BIRC2: variants seen among roughly 807,000 people sequenced by gnomAD.
BIRC2 encodes baculoviral IAP repeat-containing protein 2.
In BIRC2, 18 loss-of-function variants were observed where a neutral mutation model predicts 60.9. The ratio of observed to expected loss-of-function variants is 0.30; its 90% CI spans 0.20 to 0.44. The LOEUF (loss-of-function observed/expected upper bound fraction) is 0.44, where lower values mean the gene tolerates loss of function less well. Among genes scored for constraint, BIRC2 ranks in the 20% least tolerant of loss-of-function variants. The probability of loss-of-function intolerance (pLI) is 1.00; values close to 1 mark genes in which losing one functional copy is unlikely to be tolerated. For synonymous variants in BIRC2, 282 were observed against 247.7 expected, an observed-to-expected ratio of 1.14 and a Z score of -1.30; for missense variants, 701 against 728.5, an observed-to-expected ratio of 0.96 and a Z score of 0.43.
rs926776446 is a variant in BIRC2 at position 102,368,695 on chromosome 11, C to T, written c.1366+147C>T. On this transcript the variant is annotated intron_variant, in intron 6 of 8. Coordinates refer to ENST00000227758, the MANE Select transcript of BIRC2 (RefSeq NM_001166.5). ...TTTCGAAACCATCCCTCCTTTTCTA[C>T]CCCTTTCAATTGCTTCTAGTTGAGA... 16 of 1,150,344 alleles carry T rather than the reference C, an allele frequency of 1.4e-5. No individual in the cohort carries two copies. In the African/African-American group the frequency reaches 1.6e-4, roughly 11 times the overall value. 71.3% of individuals were successfully genotyped at this position (1,150,344 alleles called of 1,614,324 possible).
chr11:102,360,933 A>T (rs1357189296), intron 3 of BIRC2, among the ~76,000 whole-genome samples: 1 of 151,904 alleles, frequency 6.6e-6, no homozygotes, highest in Non-Finnish European at 1.5e-5. Flanking sequence ...GTCAGTGAGG[A>T]TTGCAGGGGT....
intron 3 of BIRC2, among the ~76,000 whole-genome samples, chr11:102,353,472 C>G (rs1235390210): frequency 6.6e-6 from 1 of 151,846 alleles, no homozygotes; most frequent in Non-Finnish European, 1.5e-5. Context: ...GCACACGCCA[C>G]CACACTCAGT....
Position 102,348,872 on chromosome 11 carries a change from T to C in BIRC2, c.-983T>C, listed in dbSNP as rs1040897286. The C allele has an allele frequency of 5.2e-6, 1 of 191,206 alleles. No individual in the cohort carries two copies. Among genetic ancestry groups the C allele is most frequent in the African/African-American group, 2.4e-5 (1 of 41,896 alleles). 11.8% of individuals were successfully genotyped at this position (191,206 alleles called of 1,614,324 possible). On this transcript the variant is annotated 5_prime_UTR_variant, in exon 2 of 9. Transcript: ENST00000227758. ...ACTAGAAAGGACAAGTTTTATCTTG[T>C]GATAAATTGATTAATGTTTACAACA...
Position 102,348,816 on chromosome 11 carries a change from G to A in BIRC2, c.-1039G>A. On this transcript the variant is annotated 5_prime_UTR_variant, in exon 2 of 9. Coordinates refer to ENST00000227758, the MANE Select transcript of BIRC2 (RefSeq NM_001166.5). ...TATGCTAAGCAGTACTTTTTTGGTA[G>A]TACAATATTTTGTTAGGCGTTTCTG... 1 of 256,764 alleles carries A rather than the reference G, an allele frequency of 3.9e-6. No homozygotes were observed. The highest frequency in any genetic ancestry group is 7.7e-6 in the Non-Finnish European group (1 of 129,890). The allele number at this position is 256,764 out of a possible 1,614,324, so 15.9% of individuals were successfully genotyped here.
In BIRC2 at chr11:102,350,385, C is replaced by T. The variant is rs747255864; in HGVS notation, c.531C>T (p.Tyr177=). The change falls in exon 2 of 9, where the codon TAC becomes TAT. Residue 177 remains tyrosine, a synonymous_variant. Coordinates refer to ENST00000227758, the MANE Select transcript of BIRC2 (RefSeq NM_001166.5). Reference sequence around the variant, plus strand: ...TCTCTTCATCGAGGACTAACCCCTACAGTTATGCAATGAGTACTGAAGAAG... The same window carrying T: ...TCTCTTCATCGAGGACTAACCCCTATAGTTATGCAATGAGTACTGAAGAAG... ...EDISSSRTNP[Y]SYAMSTEEAR... 1.2e-5 allele frequency: 20 copies of T among 1,614,088 alleles called. No homozygotes were observed. Among genetic ancestry groups the T allele is most frequent in the South Asian group, 2.2e-5 (2 of 91,090 alleles).
chr11:102,363,942 C>T lies in BIRC2; in HGVS notation c.1123+226C>T, dbSNP rs61527844. On this transcript the variant is annotated intron_variant, in intron 5 of 8. Coordinates refer to ENST00000227758, the MANE Select transcript of BIRC2 (RefSeq NM_001166.5). ...TGATGTGCCTGTAGTCTCAGCTACT[C>T]GGGAGGCTGAGGCAGGAGAATTGCT... 4.1e-3 allele frequency among the ~76,000 whole-genome samples: 621 copies of T among 150,864 alleles called. 3 individuals carry two copies. Among genetic ancestry groups the T allele is most frequent in the African/African-American group, 0.014 (594 of 40,972 alleles).
At chr11:102,366,667 C>A (rs1031918501) in intron 5 of BIRC2, among the ~76,000 whole-genome samples, 2 of 152,080 alleles carry the variant, frequency 1.3e-5, no homozygotes, top group Non-Finnish European at 2.9e-5. Flanking sequence ...CCATGCCCGG[C>A]CCTCCACCAC....
At chr11:102,355,232 G>A (rs572869202) in intron 3 of BIRC2, among the ~76,000 whole-genome samples, 1 of 152,068 alleles carries the variant, frequency 6.6e-6, no homozygotes, top group South Asian at 2.1e-4. Context: ...GAATTTTATG[G>A]TTTCTGGATT....
Position 102,368,411 on chromosome 11 carries a change from A to G in BIRC2, c.1229A>G (p.Lys410Arg). The G allele has an allele frequency of 2.5e-6, 4 of 1,614,084 alleles. No individual in the cohort carries two copies. In the South Asian group the frequency reaches 4.4e-5, roughly 18 times the overall value. The change falls in exon 6 of 9, where the codon AAA (lysine) becomes AGA (arginine). Residue 410 changes from lysine to arginine, a missense_variant. Lys to Arg is a conservative substitution (Grantham distance 26). Coordinates refer to ENST00000227758, the MANE Select transcript of BIRC2 (RefSeq NM_001166.5). ...LEMGFNRDLV[K>R]QTVQSKILTT... ...ATGGGCTTTAATAGAGACCTGGTGA[A>G]ACAAACAGTTCAAAGTAAAATCCTG...
At chr11:102,354,826 C>T (rs1234639649) in intron 3 of BIRC2, among the ~76,000 whole-genome samples, 1 of 151,962 alleles carries the variant, frequency 6.6e-6, no homozygotes, top group African/African-American at 2.4e-5. Flanking sequence ...TTTTAATTTG[C>T]ATTTCCCTGA....
chr11:102,375,697 G>A (rs774556338), intron 6 of BIRC2, among the ~76,000 whole-genome samples: 11 of 151,258 alleles, frequency 7.3e-5, no homozygotes, highest in South Asian at 2.1e-4. Flanking sequence ...GGAGAATGGC[G>A]TGAACCCGGG....
chr11:102,361,657 AG>A lies in BIRC2; in HGVS notation c.996-1236del, dbSNP rs1179768235. Among the ~76,000 whole-genome samples the A allele has an allele frequency of 3.9e-5, 6 of 152,078 alleles. No individual in the cohort carries two copies. The East Asian group carries it at 1.2e-3, about 29-fold the overall frequency. ...CTGCAGGAAGTCTGTGGCTATCTTGAGGGTTATTGGAGGTCTCCAGGGACCT... is the reference window on the plus strand; with the variant it reads ...CTGCAGGAAGTCTGTGGCTATCTTGAGGTTATTGGAGGTCTCCAGGGACCT... On this transcript the variant is annotated intron_variant, in intron 3 of 8. Coordinates refer to ENST00000227758, the MANE Select transcript of BIRC2 (RefSeq NM_001166.5).
chr11:102,361,306 C>T (rs1376647797), intron 3 of BIRC2, among the ~76,000 whole-genome samples: 5 of 152,192 alleles, frequency 3.3e-5, no homozygotes, highest in African/African-American at 1.2e-4. Context: ...GTGCGGAGTG[C>T]AGGTGTGCAG....
At chr11:102,351,597 A>G (rs1951360687) in intron 3 of BIRC2, among the ~76,000 whole-genome samples, 2 of 132,292 alleles carry the variant, frequency 1.5e-5, no homozygotes, top group South Asian at 5.3e-4. Context: ...CCTGGGTAAC[A>G]GAGCAAGACT....
intron 4 of BIRC2, 114 bp downstream of exon 4, chr11:102,363,088 C>G: frequency 1.4e-6 from 1 of 725,714 alleles, no homozygotes; most frequent in South Asian, 1.8e-5. Context: ...ATGGCCAAAA[C>G]CGTGATCACT....
chr11:102,358,973 A>G (rs981700578), intron 3 of BIRC2, among the ~76,000 whole-genome samples: 11 of 152,172 alleles, frequency 7.2e-5, no homozygotes, highest in Non-Finnish European at 1.3e-4. Context: ...GTAACTATTG[A>G]TGGGTAAAGA....
At chr11:102,371,881 C>T (rs1036401210) in intron 6 of BIRC2, among the ~76,000 whole-genome samples, 3 of 152,066 alleles carry the variant, frequency 2.0e-5, no homozygotes, top group African/African-American at 7.3e-5. Context: ...CAGCTTCTTC[C>T]TGGTTTAGTC....
chr11:102,350,990 A>G, intron 3 of BIRC2, 47 bp downstream of exon 3: 1 of 1,568,932 alleles, frequency 6.4e-7, no homozygotes, highest in South Asian at 1.1e-5. Context: ...CTGTGCTTAA[A>G]AGAAGTAGGC....
At chr11:102,365,752 G>A (rs1376304823) in intron 5 of BIRC2, among the ~76,000 whole-genome samples, 1 of 151,798 alleles carries the variant, frequency 6.6e-6, no homozygotes, top group Admixed American at 6.6e-5. Flanking sequence ...AAGTGTGTGT[G>A]TGTGTGTGTG....
Sources: allele counts gnomAD v4.1 joint callset (sites outside exome capture counted in the v4.1 genomes callset), GRCh38; gene constraint gnomAD v4.1.1; transcripts MANE v1.5; gene names NCBI Gene and HGNC (gene_info 2026-07-23, HGNC 2026-07-21).